MCCC1: variants seen among roughly 807,000 people sequenced by gnomAD.
The protein encoded by MCCC1 is methylcrotonyl-CoA carboxylase subunit 1, also known as methylcrotonoyl-CoA carboxylase subunit alpha, mitochondrial.
MCCC1 carries 64 observed loss-of-function variants against 83.8 expected under a neutral mutation model. The ratio of observed to expected loss-of-function variants is 0.76; its 90% CI spans 0.62 to 0.94. The LOEUF is 0.94. Ranked by LOEUF, MCCC1 falls within the 40% of genes least tolerant of loss-of-function variation. The pLI, the probability that MCCC1 is intolerant of heterozygous loss-of-function variation, is 0.00. For missense variants in MCCC1, 807 were observed against 904.7 expected (o/e 0.89, Z 1.39); for synonymous variants, 322 against 315.4 (o/e 1.02, Z -0.22).
intron 11 of MCCC1, 43 bp from the exon 12 acceptor site, chr3:183,039,178 A>T (rs921574471): frequency 1.9e-5 from 29 of 1,554,694 alleles, no homozygotes; most frequent in Non-Finnish European, 2.2e-5. Flanking sequence ...TCAAAACACG[A>T]AGGAATAAAA....
In MCCC1 at chr3:183,017,209, C is replaced by A. The variant is rs1030398805; in HGVS notation, c.2049+57G>T. 1.3e-5 allele frequency: 19 copies of A among 1,443,364 alleles called. No homozygotes were observed. The South Asian group carries it at 1.8e-4, about 14-fold the overall frequency. The allele number at this position is 1,443,364 out of a possible 1,614,324, so 89.4% of individuals were successfully genotyped here. A position where few individuals can be genotyped will look rare whatever the true frequency, so the allele number is the denominator to read the frequency against. ...AACTTACAAAATAAGGCAAAAGAAC[C>A]ATTAGGTATGATTGCTCCCAAAGTC... On this transcript the variant is annotated intron_variant, in intron 18 of 18. Coordinates refer to ENST00000265594, the MANE Select transcript of MCCC1 (RefSeq NM_020166.5).
At chr3:183,106,757 A>C (rs986430752) in intron 1 of MCCC1, among the ~76,000 whole-genome samples, 6 of 151,980 alleles carry the variant, frequency 3.9e-5, no homozygotes, top group Non-Finnish European at 8.8e-5. Context: ...TTAGCCTCCC[A>C]AAGTGCTGGG....
intron 15 of MCCC1, among the ~76,000 whole-genome samples, chr3:183,025,176 A>C (rs1389388663): frequency 1.3e-5 from 2 of 152,236 alleles, no homozygotes; most frequent in Non-Finnish European, 2.9e-5. Context: ...CTGTTTAATC[A>C]GTGAGTACGG....
chr3:183,080,227 C>T (rs781021517), intron 4 of MCCC1, among the ~76,000 whole-genome samples: 9 of 152,182 alleles, frequency 5.9e-5, no homozygotes, highest in Non-Finnish European at 1.3e-4. Context: ...CATTGTCAGG[C>T]TGCACATTTT....
chr3:183,057,474 T>C (rs1715511063), intron 7 of MCCC1, 52 bp from the exon 8 acceptor site: 2 of 1,370,906 alleles, frequency 1.5e-6, no homozygotes, highest in East Asian at 2.5e-5. Context: ...GTGATAAATA[T>C]CACATTCGTT....
At chr3:183,097,056 A>G (rs771673578) in intron 1 of MCCC1, among the ~76,000 whole-genome samples, 1 of 152,238 alleles carries the variant, frequency 6.6e-6, no homozygotes, top group East Asian at 1.9e-4. Context: ...CAGAGATCCC[A>G]CTTAACTGTA....
In MCCC1 at chr3:183,075,979, T is replaced by C. The variant is rs143479888; in HGVS notation, c.370-3492A>G. ...CACAATTTGAGTATTTTATATAAAATGGTCAAACATCTATACTAGGCAAAT... is the reference window on the plus strand; with the variant it reads ...CACAATTTGAGTATTTTATATAAAACGGTCAAACATCTATACTAGGCAAAT... On this transcript the variant is annotated intron_variant, in intron 4 of 18. Transcript: ENST00000265594. Among the ~76,000 whole-genome samples, 485 of 152,336 alleles carry C rather than the reference T, an allele frequency of 3.2e-3. 1 individual carries two copies. The highest frequency in any genetic ancestry group is 0.011 in the African/African-American group (456 of 41,562).
intron 3 of MCCC1, among the ~76,000 whole-genome samples, chr3:183,089,883 T>C (rs1342747563): frequency 6.6e-6 from 1 of 152,036 alleles, no homozygotes; most frequent in East Asian, 1.9e-4. Context: ...AGGTCATGAG[T>C]TCAATTTCAG....
chr3:183,052,028 T>A, intron 9 of MCCC1, 131 bp downstream of exon 9: 1 of 768,896 alleles, frequency 1.3e-6, no homozygotes, highest in Middle Eastern at 2.3e-4. Flanking sequence ...CAATATAAAA[T>A]GTATTTCTTA....
intron 1 of MCCC1, among the ~76,000 whole-genome samples, chr3:183,110,518 T>G (rs1442258757): frequency 6.6e-6 from 1 of 151,684 alleles, no homozygotes; most frequent in African/African-American, 2.4e-5. Flanking sequence ...CTCAGCCTCC[T>G]GAGTAGCTGG....
chr3:183,036,225 G>C (rs2108468031), intron 13 of MCCC1, among the ~76,000 whole-genome samples: 1 of 152,258 alleles, frequency 6.6e-6, no homozygotes, highest in Non-Finnish European at 1.5e-5. Flanking sequence ...CAATGCATAT[G>C]TGTGGTAGCC....
intron 7 of MCCC1, among the ~76,000 whole-genome samples, chr3:183,070,666 G>A (rs1716594747): frequency 6.6e-6 from 1 of 151,594 alleles, no homozygotes; most frequent in Admixed American, 6.6e-5. Flanking sequence ...TCGGGAGGCA[G>A]AGGTTGCAAT....
intron 12 of MCCC1, among the ~76,000 whole-genome samples, chr3:183,037,819 T>C (rs1162740671): frequency 1.3e-5 from 2 of 152,140 alleles, no homozygotes; most frequent in Admixed American, 6.5e-5. Context: ...TTCCACAGAA[T>C]AGGAAGACTG....
Position 183,092,062 on chromosome 3 carries a change from GA to G in MCCC1, c.273+346del, listed in dbSNP as rs1018704899. Reference sequence around the variant, plus strand: ...GCGAGACTCAATCTCAAAAAAAAAAGAAAAAAAAAGAATAGAGCCTGGATCT... The same window carrying G: ...GCGAGACTCAATCTCAAAAAAAAAAGAAAAAAAAGAATAGAGCCTGGATCT... On this transcript the variant is annotated intron_variant, in intron 3 of 18. Transcript: ENST00000265594. 1.0e-4 allele frequency among the ~76,000 whole-genome samples: 15 copies of G among 149,240 alleles called. No individual in the cohort carries two copies. In the South Asian group the frequency reaches 2.5e-3, roughly 25 times the overall value.
intron 1 of MCCC1, among the ~76,000 whole-genome samples, chr3:183,113,858 C>T (rs1719543003): frequency 6.6e-6 from 1 of 152,032 alleles, no homozygotes; most frequent in African/African-American, 2.4e-5. Flanking sequence ...AAAATACAGG[C>T]AAAATAACCC....
intron 15 of MCCC1, 119 bp from the exon 16 acceptor site, chr3:183,022,673 T>C (rs192220975): frequency 2.3e-6 from 2 of 870,704 alleles, no homozygotes; most frequent in Middle Eastern, 3.4e-4. Context: ...CTTAAACATA[T>C]ATAACATATA....
chr3:183,099,635 T>A, upstream of MCCC1: 1 of 673,018 alleles, frequency 1.5e-6, no homozygotes, highest in Non-Finnish European at 2.5e-6. Flanking sequence ...CCGGCTTCAG[T>A]AGCGACGATT....
At chr3:183,083,396 C>G (rs1196827625) in intron 4 of MCCC1, among the ~76,000 whole-genome samples, 1 of 152,204 alleles carries the variant, frequency 6.6e-6, no homozygotes, top group Non-Finnish European at 1.5e-5. Flanking sequence ...TGTTCATTCA[C>G]TCATGTTACT....
intron 14 of MCCC1, among the ~76,000 whole-genome samples, chr3:183,029,787 T>C (rs1419332962): frequency 6.6e-6 from 1 of 152,156 alleles, no homozygotes; most frequent in African/African-American, 2.4e-5. Context: ...CTTCCTTCCA[T>C]TCCTACTGCT....
Sources: allele counts gnomAD v4.1 joint callset (sites outside exome capture counted in the v4.1 genomes callset), GRCh38; gene constraint gnomAD v4.1.1; transcripts MANE v1.5; gene names NCBI Gene and HGNC (gene_info 2026-07-23, HGNC 2026-07-21).